Variants in SCAF8 observed in about 807,000 individuals in gnomAD.
SCAF8 encodes SR-related CTD associated factor 8, also known as SR-related and CTD-associated factor 8.
Under a neutral mutation model 140.5 loss-of-function variants are expected in SCAF8, and 23 were observed. The observed-to-expected ratio is 0.16, with a 90% CI of 0.12 to 0.23. The LOEUF (loss-of-function observed/expected upper bound fraction) is 0.23, where lower values mean the gene tolerates loss of function less well. SCAF8 is among the 10% of genes least tolerant of loss of function. The probability of loss-of-function intolerance (pLI) is 1.00; values close to 1 mark genes in which losing one functional copy is unlikely to be tolerated. For missense variants in SCAF8, 1,397 were observed against 1,555.7 expected, an observed-to-expected ratio of 0.90 and a Z score of 1.72; for synonymous variants, 575 against 528.9, an observed-to-expected ratio of 1.09 and a Z score of -1.20.
At chr6:154,771,416 G>C (rs1011197918) in intron 1 of SCAF8, among the ~76,000 whole-genome samples, 1 of 152,162 alleles carries the variant, frequency 6.6e-6, no homozygotes, top group Non-Finnish European at 1.5e-5. Context: ...ACGACTGTGT[G>C]TCTAGAATAG....
Position 154,795,158 on chromosome 6 carries a change from A to C in SCAF8, c.606+19A>C. ...CCAGCAGGTGAGCGGTTTTTCTGTT[A>C]TATCAAGAATAATTTAGAATTTAAT... On this transcript the variant is annotated intron_variant, in intron 6 of 19. Transcript: ENST00000367178. The C allele has an allele frequency of 6.3e-7, 1 of 1,585,840 alleles. No homozygotes were observed. Among genetic ancestry groups the C allele is most frequent in the South Asian group, 1.2e-5 (1 of 86,228 alleles).
At chr6:154,750,950 TG>T (rs776938168) in intron 1 of SCAF8, among the ~76,000 whole-genome samples, 1 of 152,224 alleles carries the variant, frequency 6.6e-6, no homozygotes, top group South Asian at 2.1e-4. Flanking sequence ...TTCATTTTGA[TG>T]TTTACAAAAG....
At chr6:154,829,559 C>G (rs935705984) in intron 18 of SCAF8, among the ~76,000 whole-genome samples, 1 of 152,094 alleles carries the variant, frequency 6.6e-6, no homozygotes, top group South Asian at 2.1e-4. Flanking sequence ...TTTTGATTAT[C>G]TAATTCATTT....
chr6:154,824,216 T>C lies in SCAF8; in HGVS notation c.1927-18T>C, dbSNP rs1156787617. 1 of 1,611,138 alleles carries C rather than the reference T, an allele frequency of 6.2e-7. No individual in the cohort carries two copies. The highest frequency in any genetic ancestry group is 1.1e-5 in the South Asian group (1 of 90,376). On this transcript the variant is annotated intron_variant, in intron 16 of 19. Coordinates refer to ENST00000367178, the MANE Select transcript of SCAF8 (RefSeq NM_014892.5). ...GTGAATAAACTGATGAGTGAACTTT[T>C]TTGTCTATCCACAAAAGATTCCAGT...
rs758024539 is a variant in SCAF8, at chr6:154,827,257, T to C, written c.2140+17T>C. On this transcript the variant is annotated intron_variant, in intron 18 of 19. Coordinates refer to ENST00000367178, the MANE Select transcript of SCAF8 (RefSeq NM_014892.5). Reference sequence around the variant, plus strand: ...TACCAACATGTAAGTTTTCTACTTTTAGAGTTTTCTTTATTCATGGTAGTG... The same window carrying C: ...TACCAACATGTAAGTTTTCTACTTTCAGAGTTTTCTTTATTCATGGTAGTG... The C allele has an allele frequency of 1.5e-5, 23 of 1,563,222 alleles. No homozygotes were observed. The highest frequency in any genetic ancestry group is 1.8e-5 in the Non-Finnish European group (21 of 1,147,254).
In SCAF8 at chr6:154,774,021, T is replaced by A; in HGVS notation, c.63T>A (p.Ile21=). Residue 21 remains isoleucine, a synonymous_variant, in exon 2 of 20, where the codon ATT becomes ATA. Coordinates refer to ENST00000367178, the MANE Select transcript of SCAF8 (RefSeq NM_014892.5). ...LYSLNDYKPP[I]SKAKMTQITK... ...CCCTGAATGACTATAAACCACCCAT[T>A]TCGAAAGCGAAAATGACCCAAATTA... 1 of 1,613,480 alleles carries A rather than the reference T, an allele frequency of 6.2e-7. No homozygotes were observed. Among genetic ancestry groups the A allele is most frequent in the Non-Finnish European group, 8.5e-7 (1 of 1,179,446 alleles).
chr6:154,820,421 G>C (rs1778385438), intron 15 of SCAF8, 88 bp downstream of exon 15: 1 of 1,068,876 alleles, frequency 9.4e-7, no homozygotes, highest in African/African-American at 1.6e-5. Flanking sequence ...AGCGTTAACT[G>C]TGTATCCTGG....
intron 3 of SCAF8, among the ~76,000 whole-genome samples, chr6:154,778,476 ATTGATAGG>A (rs1776979313): frequency 2.0e-5 from 3 of 152,158 alleles, no homozygotes; most frequent in Non-Finnish European, 2.9e-5. Context: ...AAAATATAGT[ATTGATAGG>A]CTGTGCACAA....
intron 9 of SCAF8, among the ~76,000 whole-genome samples, chr6:154,805,774 T>C (rs917722055): frequency 6.6e-6 from 1 of 152,136 alleles, no homozygotes; most frequent in Non-Finnish European, 1.5e-5. Flanking sequence ...TTCAGTGTAC[T>C]GGAAGTAGAG....
At chr6:154,777,299 T>C (rs1269449935) in intron 2 of SCAF8, among the ~76,000 whole-genome samples, 3 of 152,226 alleles carry the variant, frequency 2.0e-5, no homozygotes, top group South Asian at 2.1e-4. Context: ...CACATGTATA[T>C]ACTATACGCT....
At chr6:154,796,278 A>G (rs1426756452) in intron 6 of SCAF8, among the ~76,000 whole-genome samples, 1 of 151,780 alleles carries the variant, frequency 6.6e-6, no homozygotes, top group Non-Finnish European at 1.5e-5. Context: ...TTGATTAAAA[A>G]TTTTATTAGT....
At chr6:154,786,872 C>T (rs1372794463) in intron 3 of SCAF8, among the ~76,000 whole-genome samples, 1 of 152,188 alleles carries the variant, frequency 6.6e-6, no homozygotes, top group Non-Finnish European at 1.5e-5. Flanking sequence ...TTATTTAAAA[C>T]ATTAAATCAT....
intron 10 of SCAF8, 52 bp downstream of exon 10, chr6:154,808,253 A>G: frequency 6.5e-7 from 1 of 1,535,436 alleles, no homozygotes. Flanking sequence ...AGCTAAAGAA[A>G]TCATAAAATA....
rs1396675529 is a variant in SCAF8, at chr6:154,799,666, C to T, written c.607-2305C>T. On this transcript the variant is annotated intron_variant, in intron 6 of 19. Transcript: ENST00000367178. Reference sequence around the variant, plus strand: ...ACTACCTATAATCCTGCCCCAAGATCTCTGCTTTTGAAGTTTTTTATACTG... The same window carrying T: ...ACTACCTATAATCCTGCCCCAAGATTTCTGCTTTTGAAGTTTTTTATACTG... Among the ~76,000 whole-genome samples, 4 of 151,370 alleles carry T rather than the reference C, an allele frequency of 2.6e-5. No individual in the cohort carries two copies. In the East Asian group the frequency reaches 7.7e-4, roughly 29 times the overall value.
intron 1 of SCAF8, 95 bp from the exon 2 acceptor site, chr6:154,773,894 G>A (rs1776846189): frequency 1.2e-6 from 1 of 804,210 alleles, no homozygotes; most frequent in Non-Finnish European, 2.1e-6. Flanking sequence ...GCAGTATGTT[G>A]GTTTCATTGA....
chr6:154,827,838 G>A (rs925910221), intron 18 of SCAF8, among the ~76,000 whole-genome samples: 1 of 150,880 alleles, frequency 6.6e-6, no homozygotes, highest in Admixed American at 6.6e-5. Flanking sequence ...GCGGGGCGGG[G>A]GGGGGGGCGG....
At chr6:154,786,059 C>T (rs550411958) in intron 3 of SCAF8, among the ~76,000 whole-genome samples, 1 of 152,276 alleles carries the variant, frequency 6.6e-6, no homozygotes, top group Admixed American at 6.5e-5. Context: ...AGGAGAATTG[C>T]AATGGAGAAT....
chr6:154,786,180 G>C (rs1442550055), intron 3 of SCAF8, among the ~76,000 whole-genome samples: 2 of 152,174 alleles, frequency 1.3e-5, no homozygotes, highest in Non-Finnish European at 2.9e-5. Context: ...TAATTTGGTG[G>C]GTAGGGGCTC....
Position 154,815,849 on chromosome 6 carries a change from A to C in SCAF8, c.1521+33A>C, listed in dbSNP as rs776554322. 2.2e-6 allele frequency: 3 copies of C among 1,388,334 alleles called. No individual in the cohort carries two copies. In the East Asian group the frequency reaches 7.0e-5, roughly 33 times the overall value. The allele number at this position is 1,388,334 out of a possible 1,614,324, so 86.0% of individuals were successfully genotyped here. Reference sequence around the variant, plus strand: ...TCAGTTCTTAATAATTTAAGGTTTTAAAAAAGGAGGTTTTTATTAATACAA... The same window carrying C: ...TCAGTTCTTAATAATTTAAGGTTTTCAAAAAGGAGGTTTTTATTAATACAA... On this transcript the variant is annotated intron_variant, in intron 13 of 19. Coordinates refer to ENST00000367178, the MANE Select transcript of SCAF8 (RefSeq NM_014892.5).
Sources: gnomAD v4.1 joint callset for allele counts (sites outside exome capture counted in the v4.1 genomes callset) on GRCh38, gnomAD v4.1.1 for gene constraint, MANE v1.5 for transcripts, NCBI Gene and HGNC (gene_info 2026-07-23, HGNC 2026-07-21) for gene names.